Variants in TMEM132C observed in about 807,000 individuals in gnomAD.
TMEM132C encodes protein phosphatase 1, regulatory subunit 152.
TMEM132C carries 29 observed loss-of-function variants against 61.4 expected under a neutral mutation model. That is an observed-to-expected ratio of 0.47 (90% confidence interval 0.35 to 0.64). TMEM132C has a LOEUF of 0.64. TMEM132C is among the 30% of genes least tolerant of loss of function. The pLI is 0.00. For missense variants in TMEM132C, 1,408 were observed against 1,476.9 expected (o/e 0.95, Z 0.76); for synonymous variants, 656 against 633.1 (o/e 1.04, Z -0.54).
At chr12:128,553,449 C>T (rs942837028) in intron 3 of TMEM132C, among the ~76,000 whole-genome samples, 2 of 152,116 alleles carry the variant, frequency 1.3e-5, no homozygotes, top group African/African-American at 4.8e-5. Context: ...CAGAGTATAT[C>T]GAAGTATTTT....
At chr12:128,597,496 AGAAGGAAGGAAG>A (rs35995948) in intron 3 of TMEM132C, among the ~76,000 whole-genome samples, 3,611 of 149,490 alleles carry the variant, frequency 0.024, 54 homozygotes, top group Non-Finnish European at 0.035. Context: ...AAGGAAGGAA[AGAAGGAAGGAAG>A]GAAGGAAGGA....
chr12:128,700,162 C>G (rs1954794020), intron 8 of TMEM132C, among the ~76,000 whole-genome samples: 1 of 152,178 alleles, frequency 6.6e-6, no homozygotes, highest in South Asian at 2.1e-4. Flanking sequence ...TCTTCATCAG[C>G]TGACAGTAAT....
At chr12:128,684,706 G>A (rs1375339146) in intron 5 of TMEM132C, among the ~76,000 whole-genome samples, 7 of 152,204 alleles carry the variant, frequency 4.6e-5, no homozygotes, top group African/African-American at 7.2e-5. Context: ...TCGTTTCACC[G>A]GGCAAGATGT....
chr12:128,541,376 A>G (rs1873744871), intron 2 of TMEM132C, among the ~76,000 whole-genome samples: 1 of 152,104 alleles, frequency 6.6e-6, no homozygotes, highest in East Asian at 1.9e-4. Flanking sequence ...TTGATTAAAT[A>G]TTTGGTCAGT....
intron 1 of TMEM132C, among the ~76,000 whole-genome samples, chr12:128,318,515 A>C (rs961050413): frequency 6.6e-6 from 1 of 152,250 alleles, no homozygotes; most frequent in Non-Finnish European, 1.5e-5. Context: ...CTTGTGGTGC[A>C]TGACATCACT....
At chr12:128,332,074 G>C (rs1318351754) in intron 1 of TMEM132C, among the ~76,000 whole-genome samples, 1 of 152,184 alleles carries the variant, frequency 6.6e-6, no homozygotes, top group East Asian at 1.9e-4. Flanking sequence ...TGGGACATAT[G>C]ATGATGCCAC....
At chr12:128,443,196 T>C (rs937525477) in intron 2 of TMEM132C, among the ~76,000 whole-genome samples, 23 of 152,210 alleles carry the variant, frequency 1.5e-4, no homozygotes, top group Non-Finnish European at 2.9e-4. Flanking sequence ...ACTCATATGT[T>C]CTCACAAGTG....
At chr12:128,496,434 A>G (rs906691013) in intron 2 of TMEM132C, among the ~76,000 whole-genome samples, 6 of 152,120 alleles carry the variant, frequency 3.9e-5, no homozygotes, top group Non-Finnish European at 8.8e-5. Flanking sequence ...GTGTTTTCCA[A>G]CTTGGTTCCA....
At chr12:128,635,462 C>CTTTTTTTTTTTTT (rs372811916) in intron 4 of TMEM132C, among the ~76,000 whole-genome samples, 1 of 130,416 alleles carries the variant, frequency 7.7e-6, no homozygotes, top group African/African-American at 2.7e-5. Flanking sequence ...TGAGTTTTTT[C>CTTTTTTTTTTTTT]TTTTTTTTTT....
intron 3 of TMEM132C, among the ~76,000 whole-genome samples, chr12:128,548,294 A>G (rs982378962): frequency 6.6e-6 from 1 of 152,188 alleles, no homozygotes; most frequent in African/African-American, 2.4e-5. Flanking sequence ...TCTTTAACTC[A>G]TATGAACTGG....
chr12:128,392,580 A>C (rs1265303981), intron 1 of TMEM132C, among the ~76,000 whole-genome samples: 1 of 152,302 alleles, frequency 6.6e-6, no homozygotes, highest in Admixed American at 6.5e-5. Context: ...AGGAAGGGCC[A>C]GTGTTGGCCA....
chr12:128,388,989 A>G (rs1045774979), intron 1 of TMEM132C, among the ~76,000 whole-genome samples: 5 of 151,916 alleles, frequency 3.3e-5, no homozygotes, highest in Non-Finnish European at 4.4e-5. Context: ...GACAGTTTGT[A>G]TTTTGCCAGA....
At chr12:128,553,979 G>A (rs778142393) in intron 3 of TMEM132C, among the ~76,000 whole-genome samples, 24 of 152,272 alleles carry the variant, frequency 1.6e-4, no homozygotes, top group Non-Finnish European at 2.9e-4. Context: ...GACTGGTTAC[G>A]GGCCATGTGG....
intron 2 of TMEM132C, among the ~76,000 whole-genome samples, chr12:128,432,904 T>A (rs1342378938): frequency 6.6e-6 from 1 of 152,066 alleles, no homozygotes; most frequent in Non-Finnish European, 1.5e-5. Flanking sequence ...ATTGTTGTCT[T>A]ATTTTAAGAC....
At chr12:128,510,376 G>A (rs1218338472) in intron 2 of TMEM132C, among the ~76,000 whole-genome samples, 3 of 152,164 alleles carry the variant, frequency 2.0e-5, no homozygotes, top group Non-Finnish European at 4.4e-5. Flanking sequence ...AGGCTGGCAG[G>A]CCAGGGACAG....
chr12:128,706,430 G>T lies in TMEM132C; in HGVS notation c.*135G>T. 8.3e-7 allele frequency: 1 copy of T among 1,206,388 alleles called. No homozygotes were observed. Among genetic ancestry groups the T allele is most frequent in the South Asian group, 2.3e-5 (1 of 44,042 alleles). The allele number at this position is 1,206,388 out of a possible 1,614,324, so 74.7% of individuals were successfully genotyped here. ...CATGCTAGACCAGTTGGAAAGTTTT[G>T]AAGTCAGGAAAAGACGTTTTTGTAT... On this transcript the variant is annotated 3_prime_UTR_variant, in exon 9 of 9. Transcript: ENST00000435159.
chr12:128,584,068 G>A (rs898056184), intron 3 of TMEM132C, among the ~76,000 whole-genome samples: 1 of 152,202 alleles, frequency 6.6e-6, no homozygotes, highest in Non-Finnish European at 1.5e-5. Flanking sequence ...CTCCTGCCAA[G>A]GCATATTTCT....
chr12:128,615,131 G>A (rs1444911589), intron 3 of TMEM132C, among the ~76,000 whole-genome samples: 1 of 152,156 alleles, frequency 6.6e-6, no homozygotes, highest in East Asian at 1.9e-4. Flanking sequence ...AGCAGCAAGG[G>A]GTTCTGAGAA....
At chr12:128,550,399 C>A (rs1358271369) in intron 3 of TMEM132C, among the ~76,000 whole-genome samples, 1 of 151,970 alleles carries the variant, frequency 6.6e-6, no homozygotes, top group Middle Eastern at 3.4e-3. Context: ...ACTTCCTGGG[C>A]TCAAGCGATC....
Sources: allele counts gnomAD v4.1 joint callset (sites outside exome capture counted in the v4.1 genomes callset), GRCh38; gene constraint gnomAD v4.1.1; transcripts MANE v1.5; gene names NCBI Gene and HGNC (gene_info 2026-07-23, HGNC 2026-07-21).